Variants in MED23 observed in about 807,000 individuals in gnomAD.
MED23 encodes the protein mediator of RNA polymerase II transcription subunit 23.
Under a neutral mutation model 163.9 loss-of-function variants are expected in MED23, and 105 were observed. The ratio of observed to expected loss-of-function variants is 0.64; its 90% CI spans 0.55 to 0.75. The LOEUF (loss-of-function observed/expected upper bound fraction) is 0.75, where lower values mean the gene tolerates loss of function less well. Among genes scored for constraint, MED23 ranks in the 30% least tolerant of loss-of-function variants. The probability of loss-of-function intolerance (pLI) is 0.00; values close to 1 mark genes in which losing one functional copy is unlikely to be tolerated. For synonymous variants in MED23, 561 were observed against 565.6 expected (o/e 0.99, Z 0.12); for missense variants, 1,054 against 1,649.0 (o/e 0.64, Z 6.25).
At chr6:131,609,306 GCCTT>G (rs1259274699) in intron 11 of MED23, among the ~76,000 whole-genome samples, 4 of 151,984 alleles carry the variant, frequency 2.6e-5, no homozygotes, top group Admixed American at 1.3e-4. Flanking sequence ...TTGCTTTCCT[GCCTT>G]CCTTATCTCA....
chr6:131,605,237 T>TA lies in MED23; in HGVS notation c.1613+2dup, dbSNP rs1267244015. ...TGGAACCAAATTAATAAAAAGAACA[T>TA]ACCTCATTTTGGCATGAACTGTCAG... On this transcript the variant is annotated splice_region_variant and intron_variant, in intron 14 of 28. Transcript: ENST00000368068. The TA allele has an allele frequency of 1.2e-6, 2 of 1,613,124 alleles. No homozygotes were observed. Among genetic ancestry groups the TA allele is most frequent in the African/African-American group, 2.7e-5 (2 of 74,860 alleles).
rs114910899 is a variant in MED23 at position 131,608,984 on chromosome 6, C to T, written c.1078-913G>A. Among the ~76,000 whole-genome samples the T allele has an allele frequency of 4.0e-3, 613 of 152,266 alleles. 2 individuals carry two copies. The highest frequency in any genetic ancestry group is 0.016 in the South Asian group (77 of 4,824). Reference sequence around the variant, plus strand: ...GAACCACTCAGCAAGCCTAGACTCCCGCTACTCTCTGTATTCGCTGTCAGT... The same window carrying T: ...GAACCACTCAGCAAGCCTAGACTCCTGCTACTCTCTGTATTCGCTGTCAGT... On this transcript the variant is annotated intron_variant, in intron 11 of 28. Coordinates refer to ENST00000368068, the MANE Select transcript of MED23 (RefSeq NM_004830.4).
intron 11 of MED23, among the ~76,000 whole-genome samples, chr6:131,608,641 A>G (rs1235514826): frequency 2.6e-5 from 4 of 152,068 alleles, no homozygotes; most frequent in Non-Finnish European, 1.5e-5. Context: ...CCTGAACTCA[A>G]GCAATCCACC....
At chr6:131,582,864 T>C (rs1774006649), downstream of MED23, 1 of 777,112 alleles carries the variant, frequency 1.3e-6, no homozygotes. Context: ...TACATGTACA[T>C]ACATATGTAT....
intron 30 of MED23, among the ~76,000 whole-genome samples, chr6:131,580,315 A>G (rs1275883679): frequency 1.3e-5 from 2 of 152,196 alleles, no homozygotes; most frequent in East Asian, 3.9e-4. Context: ...GGAATGGCAC[A>G]TGGCAAAAGA....
In MED23 at chr6:131,619,906, GA is replaced by G; in HGVS notation, c.598-11del. 6.3e-7 allele frequency: 1 copy of G among 1,592,414 alleles called. No individual in the cohort carries two copies. The highest frequency in any genetic ancestry group is 8.6e-7 in the Non-Finnish European group (1 of 1,161,566). On this transcript the variant is annotated splice_polypyrimidine_tract_variant and intron_variant, in intron 7 of 28. Transcript: ENST00000368068. Reference sequence around the variant, plus strand: ...CTAGGTTTCCAAGTAACTAAAGAGAGAAAGAAAGAGGGAAGTCAAATAAATA... The same window carrying G: ...CTAGGTTTCCAAGTAACTAAAGAGAGAAGAAAGAGGGAAGTCAAATAAATA...
chr6:131,605,321 C>G lies in MED23; in HGVS notation c.1532G>C (p.Gly511Ala), dbSNP rs1490542850. The change falls in exon 14 of 29, where the codon GGA becomes GCA. Residue 511 changes from glycine to alanine, a missense_variant. This residue lies in a region of MED23 where 54 missense variants were observed against 89.8 expected (regional missense o/e 0.60). Coordinates refer to ENST00000368068, the MANE Select transcript of MED23 (RefSeq NM_004830.4). ...AGATCCTGAAGCCATACAGTTTGTT[C>G]CAGGGAGAGGTATCCTCATAATTCC... ...GNGIMRIPLP[G>A]TNCMASGSIT... The G allele has an allele frequency of 6.2e-7, 1 of 1,613,156 alleles. No homozygotes were observed. The highest frequency in any genetic ancestry group is 1.3e-5 in the African/African-American group (1 of 74,872).
chr6:131,615,258 A>G, intron 10 of MED23: 1 of 1,574,482 alleles, frequency 6.4e-7, no homozygotes, highest in Non-Finnish European at 8.7e-7. Context: ...CTCTAAATGG[A>G]ATCAGTGGCT....
At chr6:131,607,842 C>T (rs1775972670) in intron 12 of MED23, 86 bp downstream of exon 12, 1 of 1,449,856 alleles carries the variant, frequency 6.9e-7, no homozygotes, top group African/African-American at 1.4e-5. Context: ...TTTAGAAATA[C>T]ACAAAATCAC....
Position 131,615,984 on chromosome 6 carries a change from T to A in MED23, c.799A>T (p.Thr267Ser). 1 of 1,613,410 alleles carries A rather than the reference T, an allele frequency of 6.2e-7. No individual in the cohort carries two copies. Among genetic ancestry groups the A allele is most frequent in the Non-Finnish European group, 8.5e-7 (1 of 1,179,554 alleles). The change falls in exon 10 of 29, where the codon ACT (threonine) becomes TCT (serine). Residue 267 changes from threonine to serine, a missense_variant. Transcript: ENST00000368068. Reference protein sequence around the residue: ...PYDKDLFEPQTALLRYVLEQP... With the variant: ...PYDKDLFEPQSALLRYVLEQP... ...TCCAATACATATCTCAACAAAGCAG[T>A]CTGTGGTTCAAACAGATCCTTTAAA...
Position 131,589,449 on chromosome 6 carries a change from A to C in MED23, c.3939+16T>G. On this transcript the variant is annotated intron_variant, in intron 28 of 28. Transcript: ENST00000368068. ...AATTAAACATCATTAAAAATAATTA[A>C]ACAAATTCAACTTACTTGCTCTTTC... The C allele has an allele frequency of 6.2e-7, 1 of 1,605,396 alleles. No individual in the cohort carries two copies. The highest frequency in any genetic ancestry group is 8.5e-7 in the Non-Finnish European group (1 of 1,174,722).
At chr6:131,602,079 T>C (rs1188836303) in intron 17 of MED23, 139 bp downstream of exon 17, 7 of 900,802 alleles carry the variant, frequency 7.8e-6, no homozygotes, top group South Asian at 5.8e-5. Flanking sequence ...ATGAGTGAAA[T>C]AGTGAAGATA....
At position 131,596,172 on chromosome 6, in the gene MED23, T is replaced by C. The variant is rs767226662; in HGVS notation, c.2779-9A>G. ...AACTTCTCTGGATATTTCTGTGGAA[T>C]TGAGAAGATGATAAATGGTTAGAGC... On this transcript the variant is annotated splice_polypyrimidine_tract_variant and intron_variant, in intron 21 of 28. Coordinates refer to ENST00000368068, the MANE Select transcript of MED23 (RefSeq NM_004830.4). 1 of 1,610,972 alleles carries C rather than the reference T, an allele frequency of 6.2e-7. No individual in the cohort carries two copies. The highest frequency in any genetic ancestry group is 8.5e-7 in the Non-Finnish European group (1 of 1,177,280).
At chr6:131,627,353 G>T in intron 3 of MED23, 43 bp downstream of exon 3, 4 of 1,396,378 alleles carry the variant, frequency 2.9e-6, no homozygotes, top group East Asian at 2.3e-5. Context: ...AAAAGAAGAG[G>T]CCAAAAATCA....
At chr6:131,620,044 G>C (rs1287790908) in intron 7 of MED23, 148 bp from the exon 8 acceptor site, 2 of 641,064 alleles carry the variant, frequency 3.1e-6, no homozygotes, top group Non-Finnish European at 5.6e-6. Flanking sequence ...GCTCCCTTTT[G>C]CTTCCTTCTA....
rs1585419999 is a variant in MED23, at chr6:131,581,276, C to T, written c.4095+6433G>A. 1.9e-6 allele frequency: 3 copies of T among 1,613,932 alleles called. No individual in the cohort carries two copies. Among genetic ancestry groups the T allele is most frequent in the Non-Finnish European group, 2.5e-6 (3 of 1,179,858 alleles). ...GGGTCCACCCTGATCTTGGAGTCAT[C>T]TGGGTGGATGCTCACACTGATATCA... On this transcript the variant is annotated intron_variant, in intron 30 of 30. Transcript: ENST00000354577.
chr6:131,605,154 T>C (rs1775766072), intron 14 of MED23, 86 bp downstream of exon 14: 1 of 1,405,424 alleles, frequency 7.1e-7, no homozygotes, highest in Non-Finnish European at 1.0e-6. Flanking sequence ...TATGAAATAA[T>C]ACGCACATAA....
chr6:131,609,733 CATATATATATATGT>C (rs200268696), intron 11 of MED23, among the ~76,000 whole-genome samples: 1,655 of 144,724 alleles, frequency 0.011, 39 homozygotes, highest in African/African-American at 0.039. Flanking sequence ...TATACACATA[CATATATATATATGT>C]ATATATATAT....
chr6:131,586,124 A>G (rs909656922), downstream of MED23, among the ~76,000 whole-genome samples: 2 of 152,202 alleles, frequency 1.3e-5, no homozygotes, highest in Admixed American at 1.3e-4. Flanking sequence ...GGCCGGGCAC[A>G]GTGGCTCACG....
Sources: allele counts gnomAD v4.1 joint callset (sites outside exome capture counted in the v4.1 genomes callset), GRCh38; gene constraint gnomAD v4.1.1; regional missense constraint gnomAD v4.1.1; transcripts MANE v1.5; gene names NCBI Gene and HGNC (gene_info 2026-07-23, HGNC 2026-07-21).